SAP130: variants seen among roughly 807,000 people sequenced by gnomAD.
SAP130 encodes the protein Sin3A associated protein 130.
Under a neutral mutation model 103.2 loss-of-function variants are expected in SAP130, and 16 were observed. That is an observed-to-expected ratio of 0.16 (90% CI 0.10 to 0.24). The LOEUF (loss-of-function observed/expected upper bound fraction) is 0.24, where lower values mean the gene tolerates loss of function less well. SAP130 is among the 10% of genes least tolerant of loss of function. The pLI is 1.00. For missense variants in SAP130, 990 were observed against 1,359.7 expected (o/e 0.73, Z 4.28); for synonymous variants, 477 against 497.0 (o/e 0.96, Z 0.53).
At chr2:127,985,626 G>A (rs1306815636) in intron 14 of SAP130, among the ~76,000 whole-genome samples, 1 of 152,084 alleles carries the variant, frequency 6.6e-6, no homozygotes, top group Admixed American at 6.5e-5. Flanking sequence ...TGCCCACAGT[G>A]ACATAGAAGG....
At chr2:128,018,313 C>CAAAAAAAAAAAA (rs200188563) in intron 2 of SAP130, among the ~76,000 whole-genome samples, 3 of 50,446 alleles carry the variant, frequency 5.9e-5, no homozygotes, top group East Asian at 5.6e-4. Context: ...ACTAAAAATA[C>CAAAAAAAAAAAA]AAAAAAAAAA....
intron 14 of SAP130, among the ~76,000 whole-genome samples, 197 bp from the exon 15 acceptor site, chr2:127,978,286 T>TAA (rs561180280): frequency 6.9e-6 from 1 of 145,684 alleles, no homozygotes; most frequent in Non-Finnish European, 1.5e-5. Flanking sequence ...CACAAAATCT[T>TAA]AAAAAAAAAA....
intron 2 of SAP130, among the ~76,000 whole-genome samples, chr2:128,019,126 T>C (rs1161801825): frequency 6.6e-6 from 1 of 152,050 alleles, no homozygotes; most frequent in Non-Finnish European, 1.5e-5. Context: ...AAAGATATTT[T>C]AAGTACGGTT....
chr2:128,016,344 T>C (rs777991586), intron 4 of SAP130, 45 bp downstream of exon 4: 37 of 1,582,818 alleles, frequency 2.3e-5, no homozygotes, highest in Non-Finnish European at 3.1e-5. Flanking sequence ...GATCAACAGT[T>C]TGGCATTTCA....
At chr2:128,022,444 C>T (rs968714553) in intron 2 of SAP130, among the ~76,000 whole-genome samples, 8 of 152,312 alleles carry the variant, frequency 5.3e-5, no homozygotes, top group African/African-American at 1.7e-4. Context: ...CTTGTATAAA[C>T]ATATATTTTC....
At chr2:128,001,704 C>A (rs759821460) in intron 7 of SAP130, among the ~76,000 whole-genome samples, 4 of 152,096 alleles carry the variant, frequency 2.6e-5, no homozygotes, top group Non-Finnish European at 5.9e-5. Context: ...AGCATCATAG[C>A]CTCGGTGTGT....
At chr2:127,946,608 C>T (rs1679092520) in intron 18 of SAP130, among the ~76,000 whole-genome samples, 2 of 151,826 alleles carry the variant, frequency 1.3e-5, no homozygotes, top group African/African-American at 2.4e-5. Flanking sequence ...GTAGTCTGAC[C>T]GCAGTGGCTC....
At chr2:127,976,253 A>T (rs1681453028) in intron 15 of SAP130, among the ~76,000 whole-genome samples, 2 of 152,230 alleles carry the variant, frequency 1.3e-5, no homozygotes, top group Non-Finnish European at 2.9e-5. Context: ...AGCATCAAGG[A>T]GCACATGGCT....
At chr2:128,003,252 A>C (rs1158802678) in intron 7 of SAP130, among the ~76,000 whole-genome samples, 1 of 151,818 alleles carries the variant, frequency 6.6e-6, no homozygotes, top group East Asian at 2.0e-4. Context: ...CACATCTGTA[A>C]GCCCTAGCAC....
intron 5 of SAP130, 36 bp from the exon 6 acceptor site, chr2:128,013,190 G>C: frequency 6.5e-7 from 1 of 1,547,486 alleles, no homozygotes; most frequent in Non-Finnish European, 8.7e-7. Flanking sequence ...ATTTATTCTA[G>C]TTATATTCCC....
At chr2:128,001,150 G>A (rs1683530923) in intron 7 of SAP130, among the ~76,000 whole-genome samples, 1 of 152,168 alleles carries the variant, frequency 6.6e-6, no homozygotes, top group South Asian at 2.1e-4. Context: ...GGATTGGAAG[G>A]GAAATCAACA....
In SAP130 at chr2:127,996,262, C is replaced by T; in HGVS notation, c.1355+88G>A. ...GAAAACATGAGTAATAAATATAGGC[C>T]ATATTTGTGGGACACTTTGTTTTAT... is the stretch of plus-strand genomic sequence containing the variant. On this transcript the variant is annotated intron_variant, in intron 11 of 20. Transcript: ENST00000643581. The surrounding 1 kb of genome is among the most constrained non-coding windows in gnomAD (Gnocchi z 4.3). The T allele has an allele frequency of 1.7e-6, 2 of 1,185,710 alleles. No individual in the cohort carries two copies. Among genetic ancestry groups the T allele is most frequent in the South Asian group, 2.6e-5 (1 of 39,048 alleles). The allele number at this position is 1,185,710 out of a possible 1,614,324, so 73.4% of individuals were successfully genotyped here. A position where few individuals can be genotyped will look rare whatever the true frequency, so the allele number is the denominator to read the frequency against.
intron 4 of SAP130, among the ~76,000 whole-genome samples, chr2:128,015,200 T>C (rs928851326): frequency 4.6e-5 from 7 of 152,232 alleles, no homozygotes; most frequent in African/African-American, 1.7e-4. Flanking sequence ...ATCTGCGATA[T>C]TACCTTTCAC....
intron 7 of SAP130, among the ~76,000 whole-genome samples, chr2:128,003,201 G>A (rs1353091618): frequency 6.6e-6 from 1 of 151,722 alleles, no homozygotes; most frequent in Non-Finnish European, 1.5e-5. Context: ...GCAAAAGAAA[G>A]AGACTTTGAT....
chr2:127,981,834 T>C (rs13406681), intron 14 of SAP130, among the ~76,000 whole-genome samples: 3,219 of 141,796 alleles, frequency 0.023, 96 homozygotes, highest in East Asian at 0.14. Context: ...GACCCAGTCC[T>C]CTTGCACCCG....
chr2:128,000,219 T>C lies in SAP130; in HGVS notation c.1018-73A>G. The C allele has an allele frequency of 3.1e-6, 5 of 1,606,760 alleles. No homozygotes were observed. The South Asian group carries it at 5.5e-5, about 18-fold the overall frequency. On this transcript the variant is annotated intron_variant, in intron 8 of 20. Transcript: ENST00000643581. ...GTCCAGGGTAAACACAATCAATGCC[T>C]TCGGTATCACCAGGCCCTCAGCACA...
chr2:128,021,437 A>T (rs1367023879), intron 2 of SAP130, among the ~76,000 whole-genome samples: 1 of 145,178 alleles, frequency 6.9e-6, no homozygotes, highest in Non-Finnish European at 1.5e-5. Context: ...ACAGAACAAG[A>T]CTCCATCTCA....
chr2:127,947,764 C>CTGTGTGAGTGAGTGTGTGTGTG (rs1553500424), intron 18 of SAP130, among the ~76,000 whole-genome samples: 2 of 143,312 alleles, frequency 1.4e-5, no homozygotes, highest in Non-Finnish European at 3.0e-5. Flanking sequence ...TTGTGTGTGT[C>CTGTGTGAGTGAGTGTGTGTGTG]TGTGTGTGTG....
chr2:127,958,401 G>A (rs959796523), intron 15 of SAP130, among the ~76,000 whole-genome samples: 1 of 152,324 alleles, frequency 6.6e-6, no homozygotes, highest in East Asian at 1.9e-4. Context: ...GTGACAGGGC[G>A]AGACTCCGTC....
Sources: allele counts gnomAD v4.1 joint callset (sites outside exome capture counted in the v4.1 genomes callset), GRCh38; gene constraint gnomAD v4.1.1; non-coding constraint Gnocchi (gnomAD v3.1); transcripts MANE v1.5; gene names NCBI Gene and HGNC (gene_info 2026-07-23, HGNC 2026-07-21).